The following DAAM2 variants were observed in gnomAD, a reference collection of about 807,000 sequenced individuals.
DAAM2 encodes dishevelled associated activator of morphogenesis 2.
DAAM2 carries 39 observed loss-of-function variants against 120.7 expected under a neutral mutation model. That is an observed-to-expected ratio of 0.32 (90% CI 0.25 to 0.42). The LOEUF (loss-of-function observed/expected upper bound fraction) is 0.42, where lower values mean the gene tolerates loss of function less well. Ranked by LOEUF, DAAM2 falls within the 10% of genes least tolerant of loss-of-function variation. DAAM2 has a pLI of 1.00. For missense variants in DAAM2, 1,283 were observed against 1,401.7 expected (o/e 0.92, Z 1.35); for synonymous variants, 488 against 524.9 (o/e 0.93, Z 0.96).
At chr6:39,797,344 T>C (rs922286368) in intron 1 of DAAM2, among the ~76,000 whole-genome samples, 1 of 152,226 alleles carries the variant, frequency 6.6e-6, no homozygotes, top group East Asian at 1.9e-4. Flanking sequence ...TTATATAACA[T>C]TGTATCATTT....
intron 1 of DAAM2, among the ~76,000 whole-genome samples, chr6:39,855,129 G>A (rs1763948965): frequency 6.6e-6 from 1 of 152,230 alleles, no homozygotes; most frequent in Admixed American, 6.5e-5. Context: ...ATAAGTATGG[G>A]ATGGGGAGAA....
chr6:39,794,415 G>A (rs1284224264), intron 1 of DAAM2, among the ~76,000 whole-genome samples: 1 of 152,140 alleles, frequency 6.6e-6, no homozygotes, highest in African/African-American at 2.4e-5. Context: ...TCCCAGCTGA[G>A]TTTTCAGAGC....
At chr6:39,848,391 G>T (rs1763678676) in intron 1 of DAAM2, among the ~76,000 whole-genome samples, 1 of 152,100 alleles carries the variant, frequency 6.6e-6, no homozygotes, top group Non-Finnish European at 1.5e-5. Context: ...TCATCTGCTT[G>T]TTTAGTGCCC....
Position 39,871,528 on chromosome 6 carries a change from G to T in DAAM2, c.1000G>T (p.Val334Leu). The T allele has an allele frequency of 6.4e-7, 1 of 1,551,610 alleles. No individual in the cohort carries two copies. Among genetic ancestry groups the T allele is most frequent in the African/African-American group, 1.4e-5 (1 of 73,150 alleles). The change falls in exon 9 of 25, where the codon GTG (valine) becomes TTG (leucine). Residue 334 changes from valine (V) to leucine (L), a missense_variant. Val to Leu is a conservative substitution (Grantham distance 32, BLOSUM62 1). Transcript: ENST00000274867. Reference sequence around the variant, plus strand: ...TAGACATTTAGACTTCTTCGAGATGGTGCGGAATGAGGATGACCTGGAGCT... The same window carrying T: ...TAGACATTTAGACTTCTTCGAGATGTTGCGGAATGAGGATGACCTGGAGCT... ...LDKHLDFFEM[V>L]RNEDDLELAR...
At chr6:39,821,301 A>C (rs897164533) in intron 1 of DAAM2, 1 of 152,132 alleles carries the variant, frequency 6.6e-6, no homozygotes, top group Non-Finnish European at 1.5e-5. Context: ...CACTGCTTCA[A>C]ATCAAGCACA....
In DAAM2 at chr6:39,837,663, C is replaced by CAAAAAAAA. The variant is rs758751293; in HGVS notation, c.-56-18568_-56-18561dup. 9.2e-4 allele frequency among the ~76,000 whole-genome samples: 38 copies of CAAAAAAAA among 41,170 alleles called. 3 individuals carry two copies. Among genetic ancestry groups the CAAAAAAAA allele is most frequent in the African/African-American group, 3.1e-3 (28 of 8,942 alleles). 27.0% of individuals were successfully genotyped at this position (41,170 alleles called of 152,430 possible). Reference sequence around the variant, plus strand: ...GGGCAACAAGAGCGAAACTCCATCTCAAAAAAAAAAAAAAAAAAAAAAAGA... The same window carrying CAAAAAAAA: ...GGGCAACAAGAGCGAAACTCCATCTCAAAAAAAAAAAAAAAAAAAAAAAAAAAAAAAGA... On this transcript the variant is annotated intron_variant, in intron 1 of 24. Transcript: ENST00000274867.
At chr6:39,881,534 T>C (rs1311128170) in intron 14 of DAAM2, among the ~76,000 whole-genome samples, 5 of 151,382 alleles carry the variant, frequency 3.3e-5, no homozygotes, top group African/African-American at 4.9e-5. Flanking sequence ...CTGGCCAACA[T>C]GGTGAAACCC....
At chr6:39,840,503 G>A (rs567827782) in intron 1 of DAAM2, among the ~76,000 whole-genome samples, 12 of 152,298 alleles carry the variant, frequency 7.9e-5, no homozygotes, top group African/African-American at 2.6e-4. Context: ...GGTCCGAAGG[G>A]GGAAGGAAAG....
intron 4 of DAAM2, among the ~76,000 whole-genome samples, 170 bp from the exon 5 acceptor site, chr6:39,864,810 T>A (rs944595173): frequency 6.6e-6 from 1 of 152,108 alleles, no homozygotes. Context: ...ATGAGGAAAG[T>A]GAAGTCCCAG....
At chr6:39,894,596 G>A (rs60320623) in intron 19 of DAAM2, among the ~76,000 whole-genome samples, 7 of 143,516 alleles carry the variant, frequency 4.9e-5, no homozygotes, top group Admixed American at 1.5e-4. Context: ...TAGTTTTATC[G>A]GTTTTGAACT....
At chr6:39,842,168 G>C (rs1308463385) in intron 1 of DAAM2, among the ~76,000 whole-genome samples, 1 of 152,118 alleles carries the variant, frequency 6.6e-6, no homozygotes, top group African/African-American at 2.4e-5. Context: ...TTCATTCCTG[G>C]GGTGTTAACC....
At chr6:39,899,010 C>T (rs1052695643) in intron 22 of DAAM2, 73 bp downstream of exon 22, 4 of 1,300,080 alleles carry the variant, frequency 3.1e-6, no homozygotes, top group African/African-American at 3.2e-5. Flanking sequence ...GCACCCTAAG[C>T]TCCTACACAG....
intron 14 of DAAM2, among the ~76,000 whole-genome samples, chr6:39,882,734 TACAC>T (rs1562051419): frequency 6.0e-5 from 9 of 149,918 alleles, no homozygotes; most frequent in African/African-American, 2.2e-4. Context: ...CACACACACA[TACAC>T]ACACTCATAC....
intron 10 of DAAM2, 69 bp from the exon 11 acceptor site, chr6:39,875,261 G>A: frequency 1.3e-6 from 2 of 1,531,304 alleles, no homozygotes; most frequent in Non-Finnish European, 1.8e-6. Context: ...ACCCCAGGCA[G>A]CAACTCTAGG....
At chr6:39,834,810 G>A (rs1218218830) in intron 1 of DAAM2, among the ~76,000 whole-genome samples, 2 of 152,188 alleles carry the variant, frequency 1.3e-5, no homozygotes, top group Admixed American at 1.3e-4. Context: ...ATGGAGGGCA[G>A]GGCAGGGAAG....
rs368410153 is a variant in DAAM2 at position 39,888,775 on chromosome 6, C to G, written c.2145+12C>G. On this transcript the variant is annotated intron_variant, in intron 17 of 24. Coordinates refer to ENST00000274867, the MANE Select transcript of DAAM2 (RefSeq NM_001201427.2). ...ACATGCTGGAGCAGGTGAGGACCCT[C>G]GTGGGAAGGAAGGGGAACTGAACCC... is the stretch of plus-strand genomic sequence containing the variant. 3.7e-6 allele frequency: 6 copies of G among 1,607,252 alleles called. No homozygotes were observed. The Admixed American group carries it at 1.0e-4, about 27-fold the overall frequency.
Position 39,879,422 on chromosome 6 carries a change from G to A in DAAM2, c.1790G>A (p.Arg597His), listed in dbSNP as rs181701991. Residue 597 changes from arginine (R) to histidine (H), a missense_variant, in exon 14 of 25, where the codon CGT becomes CAT. Physicochemically the swap from Arg to His is conservative, Grantham distance 29 (BLOSUM62 0). Around this residue, in one of 3 missense-constraint regions of DAAM2, gnomAD observed 748 missense variants for 768.6 expected, o/e 0.97. Transcript: ENST00000274867. The stretch of plus-strand genomic sequence containing the variant: ...AGTGACGTCCCACTCAGGAAAAAGC[G>A]TGTCCCCCAGCCTTCTCACCCACTG... ...PSSDVPLRKK[R>H]VPQPSHPLKS... 5.5e-4 allele frequency: 882 copies of A among 1,613,808 alleles called. 3 individuals carry two copies. The East Asian group carries it at 7.0e-3, about 13-fold the overall frequency.
chr6:39,858,569 T>G (rs1764095400), intron 2 of DAAM2, among the ~76,000 whole-genome samples: 1 of 152,162 alleles, frequency 6.6e-6, no homozygotes, highest in African/African-American at 2.4e-5. Flanking sequence ...GCTGGGATGA[T>G]GAACTCAATC....
chr6:39,834,210 G>A (rs1378440684), intron 1 of DAAM2, among the ~76,000 whole-genome samples: 2 of 152,120 alleles, frequency 1.3e-5, no homozygotes, highest in African/African-American at 2.4e-5. Flanking sequence ...GTAAATATAA[G>A]AGCATACCTC....
Sources: gnomAD v4.1 joint callset for allele counts (sites outside exome capture counted in the v4.1 genomes callset) on GRCh38, gnomAD v4.1.1 for gene constraint, gnomAD v4.1.1 regional missense constraint, MANE v1.5 for transcripts, NCBI Gene and HGNC (gene_info 2026-07-23, HGNC 2026-07-21) for gene names.